The following EPG5 variants were observed in gnomAD, a reference collection of about 807,000 sequenced individuals.
EPG5 encodes the protein ectopic P-granules 5 autophagy tethering factor.
Under a neutral mutation model 302.7 loss-of-function variants are expected in EPG5, and 159 were observed. That is an observed-to-expected ratio of 0.53 (90% CI 0.46 to 0.60). The LOEUF (loss-of-function observed/expected upper bound fraction) is 0.60. Among genes scored for constraint, EPG5 ranks in the 20% least tolerant of loss-of-function variants. The probability of loss-of-function intolerance (pLI) is 0.00; values close to 1 mark genes in which losing one functional copy is unlikely to be tolerated. For missense variants in EPG5, 2,896 were observed against 3,092.4 expected (o/e 0.94, Z 1.51); for synonymous variants, 1,158 against 1,136.8 (o/e 1.02, Z -0.37).
chr18:45,953,098 G>A (rs548663163), intron 2 of EPG5, among the ~76,000 whole-genome samples: 32 of 152,138 alleles, frequency 2.1e-4, no homozygotes, highest in South Asian at 1.2e-3. Flanking sequence ...GCCTGAACCC[G>A]GGAGGTAGAG....
the EPG5 span, among the ~76,000 whole-genome samples, chr18:45,810,899 A>T: frequency 2.2e-4 from 34 of 152,228 alleles, no homozygotes; most frequent in Admixed American, 5.2e-4. Context: ...CATAAACAGA[A>T]TTAAAAACAA....
the EPG5 span, among the ~76,000 whole-genome samples, chr18:45,839,972 TGTGCTCAGG>T: frequency 6.6e-6 from 1 of 152,198 alleles, no homozygotes; most frequent in Non-Finnish European, 1.5e-5. Flanking sequence ...TCAAGTGTTT[TGTGCTCAGG>T]GTGCTCAGAA....
At chr18:45,886,935 A>G (rs921822554) in intron 29 of EPG5, among the ~76,000 whole-genome samples, 2 of 152,114 alleles carry the variant, frequency 1.3e-5, no homozygotes, top group African/African-American at 4.8e-5. Context: ...TGGGATTACA[A>G]GTGTGAGCCA....
intron 22 of EPG5, among the ~76,000 whole-genome samples, chr18:45,911,074 TCTATACACACAC>T (rs2049883109): frequency 7.9e-6 from 1 of 126,786 alleles, no homozygotes; most frequent in African/African-American, 3.1e-5. Flanking sequence ...TATCTATCTA[TCTATACACACAC>T]ACACACACAC....
At chr18:45,935,735 C>T (rs1253683097) in intron 10 of EPG5, among the ~76,000 whole-genome samples, 3 of 152,104 alleles carry the variant, frequency 2.0e-5, no homozygotes, top group Non-Finnish European at 4.4e-5. Flanking sequence ...AATCGAAATC[C>T]ATCCAGTACT....
chr18:45,880,291 G>C, intron 31 of EPG5, 68 bp from the exon 32 acceptor site: 1 of 1,384,512 alleles, frequency 7.2e-7, no homozygotes, highest in Non-Finnish European at 9.6e-7. Context: ...TTGTAACAAA[G>C]AATATGAGCA....
chr18:45,854,500 A>G (rs2048474818), intron 43 of EPG5, among the ~76,000 whole-genome samples: 1 of 152,178 alleles, frequency 6.6e-6, no homozygotes, highest in Admixed American at 6.5e-5. Flanking sequence ...CTAGGTGTGT[A>G]ATTTGGGACA....
chr18:45,844,361 C>A (rs550961234), downstream of EPG5, among the ~76,000 whole-genome samples: 2 of 151,410 alleles, frequency 1.3e-5, no homozygotes, highest in African/African-American at 4.9e-5. Context: ...CACAAGAGGG[C>A]GACTATAGTT....
chr18:45,876,165 A>G, intron 35 of EPG5, 71 bp downstream of exon 35: 1 of 1,005,928 alleles, frequency 9.9e-7, no homozygotes, highest in Non-Finnish European at 1.5e-6. Context: ...AATAGAGGAA[A>G]GTAGAAGAAA....
chr18:45,921,143 C>T (rs1475181559), intron 16 of EPG5, among the ~76,000 whole-genome samples: 3 of 152,276 alleles, frequency 2.0e-5, no homozygotes, highest in South Asian at 2.1e-4. Flanking sequence ...TTTATTTATG[C>T]CTATCATCTC....
intron 23 of EPG5, among the ~76,000 whole-genome samples, chr18:45,908,994 A>C (rs887089551): frequency 2.6e-5 from 4 of 152,192 alleles, no homozygotes; most frequent in African/African-American, 4.8e-5. Flanking sequence ...CCTTTTAAAA[A>C]TACAATACTT....
chr18:45,842,597 G>A, the EPG5 span: 22 of 182,848 alleles, frequency 1.2e-4, no homozygotes, highest in East Asian at 1.4e-3. Context: ...CTCTGTCACC[G>A]ACTTGCTGTG....
chr18:45,928,065 G>A (rs1031795266), intron 13 of EPG5, among the ~76,000 whole-genome samples: 7 of 151,956 alleles, frequency 4.6e-5, no homozygotes, highest in East Asian at 1.9e-4. Context: ...GCATGGTGGC[G>A]GGCGCCTGTA....
At position 45,851,194 on chromosome 18, in the gene EPG5, T is replaced by C. The variant is rs181778342; in HGVS notation, c.*1273A>G. 4 of 152,302 alleles carry C rather than the reference T, an allele frequency of 2.6e-5. No individual in the cohort carries two copies. Among genetic ancestry groups the C allele is most frequent in the East Asian group, 1.9e-4 (1 of 5,184 alleles). The allele number at this position is 152,302 out of a possible 1,614,324, so 9.4% of individuals were successfully genotyped here. ...CATTCTTGGTGGCTGTTTAGACATT[T>C]TTAGGTAAATATTCTCAGGCTACAG... is the stretch of plus-strand genomic sequence containing the variant. On this transcript the variant is annotated 3_prime_UTR_variant, in exon 44 of 44. Coordinates refer to ENST00000282041, the MANE Select transcript of EPG5 (RefSeq NM_020964.3).
intron 29 of EPG5, among the ~76,000 whole-genome samples, chr18:45,886,657 A>G (rs2049224002): frequency 6.6e-6 from 1 of 152,114 alleles, no homozygotes; most frequent in African/African-American, 2.4e-5. Context: ...TATAATAAGC[A>G]TACATTAATT....
intron 1 of EPG5, 55 bp from the exon 2 acceptor site, chr18:45,955,393 G>C (rs547566466): frequency 1.6e-6 from 2 of 1,262,488 alleles, no homozygotes; most frequent in East Asian, 5.0e-5. Context: ...AATGCTTTCA[G>C]CAGGAGGAAT....
rs778267082 is a variant in EPG5, at chr18:45,904,101, T to C, written c.4346A>G (p.Tyr1449Cys). 1.2e-6 allele frequency: 2 copies of C among 1,611,778 alleles called. No individual in the cohort carries two copies. Among genetic ancestry groups the C allele is most frequent in the African/African-American group, 2.7e-5 (2 of 74,880 alleles). ...MQNQQDLWME[Y>C]LNMERIYHEF... ...ATGATAGATGCGCTCCATGTTCAAA[T>C]ACTCCATCCACAGATCCTGAAACAG... Residue 1449 changes from tyrosine (Y) to cysteine (C), a missense_variant, in exon 25 of 44, where the codon TAT becomes TGT. Coordinates refer to ENST00000282041, the MANE Select transcript of EPG5 (RefSeq NM_020964.3).
intron 36 of EPG5, among the ~76,000 whole-genome samples, chr18:45,870,354 C>A (rs1165326994): frequency 1.3e-5 from 2 of 152,164 alleles, no homozygotes; most frequent in Admixed American, 1.3e-4. Flanking sequence ...TAAAATCTTT[C>A]TCTGGGTTTT....
chr18:45,841,105 C>G, the EPG5 span: 1 of 152,256 alleles, frequency 6.6e-6, no homozygotes, highest in Non-Finnish European at 1.5e-5. Context: ...CACCTGACAT[C>G]GTAAAGTAAG....
Sources: gnomAD v4.1 joint callset for allele counts (sites outside exome capture counted in the v4.1 genomes callset) on GRCh38, gnomAD v4.1.1 for gene constraint, MANE v1.5 for transcripts, NCBI Gene and HGNC (gene_info 2026-07-23, HGNC 2026-07-21) for gene names.